The following VSTM2A variants were observed in gnomAD, a reference collection of about 807,000 sequenced individuals.
The protein encoded by VSTM2A is V-set and transmembrane domain-containing protein 2A.
A neutral mutation model predicts 27.3 loss-of-function variants in VSTM2A; 13 were observed. That is an observed-to-expected ratio of 0.48 (90% CI 0.31 to 0.76). The LOEUF (loss-of-function observed/expected upper bound fraction) is 0.76. Among genes scored for constraint, VSTM2A ranks in the 30% least tolerant of loss-of-function variants. The pLI, the probability that VSTM2A is intolerant of heterozygous loss-of-function variation, is 0.05. For synonymous variants in VSTM2A, 142 were observed against 125.7 expected (o/e 1.13, Z -0.87); for missense variants, 280 against 310.0 (o/e 0.90, Z 0.73).
At chr7:54,565,377 C>T (rs1788689385) in intron 4 of VSTM2A, among the ~76,000 whole-genome samples, 1 of 152,278 alleles carries the variant, frequency 6.6e-6, no homozygotes, top group Middle Eastern at 3.4e-3. Flanking sequence ...ATAGGTTCAG[C>T]CGTTTTGGAG....
At chr7:54,558,399 G>T (rs2115878860) in intron 4 of VSTM2A, 1 of 152,236 alleles carries the variant, frequency 6.6e-6, no homozygotes, top group African/African-American at 2.4e-5. Context: ...TGGGTGAGCT[G>T]CTCACAAAAT....
chr7:54,560,190 G>A (rs1330748266), intron 4 of VSTM2A, among the ~76,000 whole-genome samples: 1 of 151,918 alleles, frequency 6.6e-6, no homozygotes, highest in African/African-American at 2.4e-5. Context: ...TATAATTATA[G>A]AGTTCAGGAC....
At chr7:54,562,833 G>A (rs989181909) in intron 4 of VSTM2A, among the ~76,000 whole-genome samples, 1 of 152,190 alleles carries the variant, frequency 6.6e-6, no homozygotes, top group African/African-American at 2.4e-5. Flanking sequence ...TATGGAATTT[G>A]TGATTATTCA....
intron 3 of VSTM2A, among the ~76,000 whole-genome samples, chr7:54,549,213 T>G (rs1562706927): frequency 6.6e-6 from 1 of 152,122 alleles, no homozygotes; most frequent in East Asian, 1.9e-4. Flanking sequence ...ATACATACTT[T>G]GAGCAACAAG....
In VSTM2A at chr7:54,542,593, C is replaced by G; in HGVS notation, c.-138C>G. On this transcript the variant is annotated 5_prime_UTR_variant, in exon 1 of 5. Coordinates refer to ENST00000402613, the MANE Select transcript of VSTM2A (RefSeq NM_001301009.2). ...GCAATCCCTTCTCCCCACAGCCAGC[C>G]CTCGCCAAGCAAGCAGCAGGATGTT... 1 of 728,250 alleles carries G rather than the reference C, an allele frequency of 1.4e-6. No homozygotes were observed. The highest frequency in any genetic ancestry group is 2.4e-6 in the Non-Finnish European group (1 of 422,914). 45.1% of individuals were successfully genotyped at this position (728,250 alleles called of 1,614,324 possible).
In VSTM2A at chr7:54,569,962, C is replaced by A. The variant is rs1378855934; in HGVS notation, c.*743C>A. On this transcript the variant is annotated 3_prime_UTR_variant, in exon 5 of 5. Transcript: ENST00000402613. ...AATATCTGTGTGTTGGGCCAATGAC[C>A]AACTTTTTTTGACGAAGCATTTGTT... 1 of 151,908 alleles carries A rather than the reference C, an allele frequency of 6.6e-6. No homozygotes were observed. Among genetic ancestry groups the A allele is most frequent in the South Asian group, 2.1e-4 (1 of 4,810 alleles). 9.4% of individuals were successfully genotyped at this position (151,908 alleles called of 1,614,324 possible). A position where few individuals can be genotyped will look rare whatever the true frequency, so the allele number is the denominator to read the frequency against.
At chr7:54,546,574 GCCCACCCA>G (rs544108189) in intron 2 of VSTM2A, 1 of 108,770 alleles carries the variant, frequency 9.2e-6, no homozygotes, top group African/African-American at 3.7e-5. Context: ...CTGCCCGCCC[GCCCACCCA>G]CCTCCGGGCG....
At chr7:54,559,423 G>A (rs557841815) in intron 4 of VSTM2A, 4 of 152,070 alleles carry the variant, frequency 2.6e-5, no homozygotes, top group African/African-American at 9.6e-5. Flanking sequence ...TGCAGTCCCA[G>A]TCAAAACACC....
At chr7:54,561,066 ATAGT>A (rs1198365959) in intron 4 of VSTM2A, among the ~76,000 whole-genome samples, 1 of 152,174 alleles carries the variant, frequency 6.6e-6, no homozygotes, top group African/African-American at 2.4e-5. Context: ...AGCGTTGTAA[ATAGT>A]TAATTTGAAA....
rs1233777841 is a variant in VSTM2A, at chr7:54,550,114, A to G, written c.578A>G (p.His193Arg). The G allele has an allele frequency of 1.2e-6, 2 of 1,607,428 alleles. No homozygotes were observed. The highest frequency in any genetic ancestry group is 1.7e-5 in the Admixed American group (1 of 59,196). The change falls in exon 4 of 5, where the codon CAC becomes CGC. Residue 193 changes from histidine to arginine, a missense_variant. Transcript: ENST00000402613. Reference sequence around the variant, plus strand: ...CATGGCTCTGCCAACCAACGAACGCACTCCACCTCCAGCCCTCAAGTGGTA... The same window carrying G: ...CATGGCTCTGCCAACCAACGAACGCGCTCCACCTCCAGCCCTCAAGTGGTA... Reference protein sequence around the residue: ...SIHGSANQRTHSTSSPQVVAK... With the variant: ...SIHGSANQRTRSTSSPQVVAK...
chr7:54,561,823 A>G (rs1184338036), intron 4 of VSTM2A, among the ~76,000 whole-genome samples: 1 of 152,222 alleles, frequency 6.6e-6, no homozygotes, highest in Non-Finnish European at 1.5e-5. Context: ...AAGCCATGTA[A>G]TTTATGCTTT....
intron 3 of VSTM2A, among the ~76,000 whole-genome samples, chr7:54,548,406 T>G (rs1345864434): frequency 6.6e-6 from 1 of 152,194 alleles, no homozygotes; most frequent in Non-Finnish European, 1.5e-5. Context: ...CCACTAGTTA[T>G]TAACTTTGAA....
chr7:54,566,743 T>G (rs1463935081), intron 4 of VSTM2A, among the ~76,000 whole-genome samples: 1 of 152,240 alleles, frequency 6.6e-6, no homozygotes, highest in East Asian at 1.9e-4. Flanking sequence ...GTGGAAATAG[T>G]ATCTCATTTA....
intron 4 of VSTM2A, among the ~76,000 whole-genome samples, chr7:54,566,510 C>T (rs935545257): frequency 6.6e-6 from 1 of 152,112 alleles, no homozygotes; most frequent in African/African-American, 2.4e-5. Flanking sequence ...TTACAACTAG[C>T]TATTAGGAAC....
chr7:54,569,053 GT>G, intron 4 of VSTM2A, 77 bp from the exon 5 acceptor site: 2 of 1,606,752 alleles, frequency 1.2e-6, no homozygotes, highest in South Asian at 2.3e-5. Context: ...CCTGCTTCTT[GT>G]TTGTGGCTTT....
intron 3 of VSTM2A, 81 bp from the exon 4 acceptor site, chr7:54,549,753 T>C: frequency 7.5e-7 from 1 of 1,333,022 alleles, no homozygotes; most frequent in Non-Finnish European, 1.0e-6. Context: ...AACTTTCCAA[T>C]ATTAGCAAGC....
Position 54,542,702 on chromosome 7 carries a change from C to T in VSTM2A, c.-29C>T. On this transcript the variant is annotated 5_prime_UTR_variant, in exon 1 of 5. Transcript: ENST00000402613. ...TTCAGGGCTTTTCGGCTGTTGGCTACACTGATGTGACCCCCCTCCCTTTTT... is the reference window on the plus strand; with the variant it reads ...TTCAGGGCTTTTCGGCTGTTGGCTATACTGATGTGACCCCCCTCCCTTTTT... 1.9e-6 allele frequency: 3 copies of T among 1,609,040 alleles called. No individual in the cohort carries two copies. Among genetic ancestry groups the T allele is most frequent in the Non-Finnish European group, 2.6e-6 (3 of 1,176,238 alleles).
chr7:54,566,885 T>C (rs1788741861), intron 4 of VSTM2A, among the ~76,000 whole-genome samples: 1 of 152,222 alleles, frequency 6.6e-6, no homozygotes, highest in South Asian at 2.1e-4. Flanking sequence ...GAGGTTTACT[T>C]GTATAAAAGT....
chr7:54,554,085 A>T, intron 4 of VSTM2A: 2 of 1,551,134 alleles, frequency 1.3e-6, no homozygotes, highest in East Asian at 2.4e-5. Flanking sequence ...TAAATTGCCC[A>T]GGTCGCTCGC....
Sources: allele counts gnomAD v4.1 joint callset (sites outside exome capture counted in the v4.1 genomes callset), GRCh38; gene constraint gnomAD v4.1.1; transcripts MANE v1.5; gene names NCBI Gene and HGNC (gene_info 2026-07-23, HGNC 2026-07-21).